The following ADCY6 variants were observed in gnomAD, a reference collection of about 807,000 sequenced individuals.
The protein encoded by ADCY6 is adenylate cyclase 6.
A neutral mutation model predicts 111.6 loss-of-function variants in ADCY6; 59 were observed. The observed-to-expected ratio is 0.53, with a 90% CI of 0.43 to 0.66. The LOEUF is 0.66. Among genes scored for constraint, ADCY6 ranks in the 30% least tolerant of loss-of-function variants. The pLI is 0.00. For synonymous variants in ADCY6, 576 were observed against 642.9 expected, an observed-to-expected ratio of 0.90 and a Z score of 1.57; for missense variants, 1,242 against 1,595.6, an observed-to-expected ratio of 0.78 and a Z score of 3.78.
chr12:48,773,445 T>G, intron 16 of ADCY6, 24 bp downstream of exon 16: 1 of 1,610,058 alleles, frequency 6.2e-7, no homozygotes, highest in East Asian at 2.2e-5. Context: ...CCTGGGGTAT[T>G]AAAGGACCTG....
At chr12:48,773,903 G>C in intron 15 of ADCY6, 37 bp downstream of exon 15, 1 of 1,607,280 alleles carries the variant, frequency 6.2e-7, no homozygotes, top group Non-Finnish European at 8.5e-7. Flanking sequence ...GTCTGTGCCA[G>C]GACAGCCCCC....
chr12:48,766,594 T>C lies in ADCY6; in HGVS notation c.*1997A>G, dbSNP rs982373169. 1 of 152,638 alleles carries C rather than the reference T, an allele frequency of 6.6e-6. No individual in the cohort carries two copies. The highest frequency in any genetic ancestry group is 2.4e-5 in the African/African-American group (1 of 41,434). 9.5% of individuals were successfully genotyped at this position (152,638 alleles called of 1,614,324 possible). A position where few individuals can be genotyped will look rare whatever the true frequency, so the allele number is the denominator to read the frequency against. Reference sequence around the variant, plus strand: ...AGATTTTCTGTCTGGAAAACAAGTCTTTTCCCCTCCTTCTGCCATGACTAA... The same window carrying C: ...AGATTTTCTGTCTGGAAAACAAGTCCTTTCCCCTCCTTCTGCCATGACTAA... On this transcript the variant is annotated 3_prime_UTR_variant, in exon 22 of 22. Transcript: ENST00000357869.
At chr12:48,772,732 C>G (rs1367904308) in intron 16 of ADCY6, among the ~76,000 whole-genome samples, 189 bp from the exon 17 acceptor site, 1 of 152,156 alleles carries the variant, frequency 6.6e-6, no homozygotes, top group Non-Finnish European at 1.5e-5. Context: ...CTTAGAGACT[C>G]CTCTACTTAC....
intron 14 of ADCY6, 103 bp from the exon 15 acceptor site, chr12:48,774,201 A>G: frequency 2.5e-6 from 3 of 1,205,448 alleles, no homozygotes; most frequent in Non-Finnish European, 3.5e-6. Context: ...CAGGTACCTT[A>G]TACCCCATGG....
Position 48,783,449 on chromosome 12 carries a change from A to C in ADCY6, c.-4-11T>G. 6 of 1,614,172 alleles carry C rather than the reference A, an allele frequency of 3.7e-6. No homozygotes were observed. Among genetic ancestry groups the C allele is most frequent in the Non-Finnish European group, 5.1e-6 (6 of 1,180,006 alleles). The stretch of plus-strand genomic sequence containing the variant: ...AACCATGACATGTTGCTGGTAGGGA[A>C]GGAAGGAGATAGTATTAGAGACCAT... On this transcript the variant is annotated splice_polypyrimidine_tract_variant and intron_variant, in intron 1 of 21. Transcript: ENST00000357869.
At chr12:48,786,440 C>T (rs1338491852) in intron 1 of ADCY6, among the ~76,000 whole-genome samples, 1 of 152,174 alleles carries the variant, frequency 6.6e-6, no homozygotes, top group Non-Finnish European at 1.5e-5. Flanking sequence ...AATCTCAGCT[C>T]ACTGCAACCT....
In ADCY6 at chr12:48,771,520, G is replaced by T. The variant is rs1459841352; in HGVS notation, c.3051+190C>A. The T allele has an allele frequency of 2.3e-6, 2 of 885,130 alleles. No individual in the cohort carries two copies. Among genetic ancestry groups the T allele is most frequent in the Non-Finnish European group, 3.6e-6 (2 of 554,194 alleles). 54.8% of individuals were successfully genotyped at this position (885,130 alleles called of 1,614,324 possible). ...ACAGTGATGACCCTGCCCCACTAGG[G>T]CTGACCCCCTTGCTGCCTCTGACAC... On this transcript the variant is annotated intron_variant, in intron 19 of 21. Transcript: ENST00000357869. The surrounding 1 kb of genome is among the most constrained non-coding windows in gnomAD (Gnocchi z 4.3).
Position 48,777,896 on chromosome 12 carries a change from A to G in ADCY6, c.1015-160T>C, listed in dbSNP as rs1289981950. The stretch of plus-strand genomic sequence containing the variant: ...CCTTCCCCCATCAGAGCCCCCTCTG[A>G]CCACCCTCCATTGAGCCCCCAGATG... On this transcript the variant is annotated intron_variant, in intron 3 of 21. Transcript: ENST00000357869. The surrounding 1 kb of genome is among the most constrained non-coding windows in gnomAD (Gnocchi z 4.9). Among the ~76,000 whole-genome samples, 2 of 151,482 alleles carry G rather than the reference A, an allele frequency of 1.3e-5. No individual in the cohort carries two copies. The highest frequency in any genetic ancestry group is 4.9e-5 in the African/African-American group (2 of 41,154).
In ADCY6 at chr12:48,782,775, C is replaced by T. The variant is rs1228329436; in HGVS notation, c.660G>A (p.Ala220=). 1.2e-6 allele frequency: 2 copies of T among 1,612,792 alleles called. No individual in the cohort carries two copies. The highest frequency in any genetic ancestry group is 2.2e-5 in the East Asian group (1 of 44,828). Residue 220 remains alanine (A), a synonymous_variant, in exon 2 of 22, where the codon GCG becomes GCA. Coordinates refer to ENST00000357869, the MANE Select transcript of ADCY6 (RefSeq NM_015270.5). The surrounding 1 kb of genome is among the most constrained non-coding windows in gnomAD (Gnocchi z 4.3). ...VVSYVVLGIL[A]AVQVGGALAA... ...CGAGAGCGCCCCCGACCTGCACTGC[C>T]GCCAGGATGCCCAGCACCACGTAGC...
Position 48,783,277 on chromosome 12 carries a change from G to C in ADCY6, c.158C>G (p.Pro53Arg), listed in dbSNP as rs1214088281. The C allele has an allele frequency of 2.3e-5, 37 of 1,612,006 alleles. No homozygotes were observed. Among genetic ancestry groups the C allele is most frequent in the Non-Finnish European group, 3.1e-5 (36 of 1,179,516 alleles). ...AGGGGGGCCCGCAGGGGTGGGGCTG[G>C]GTGGCTCTGCATCCCGGAGGCAGCT... is the stretch of plus-strand genomic sequence containing the variant. ...YMSCLRDAEP[P>R]SPTPAGPPRC... is the part of the protein sequence containing the mutation. The change falls in exon 2 of 22, where the codon CCC becomes CGC. Residue 53 changes from proline to arginine, a missense_variant. Pro to Arg is a moderately radical substitution (Grantham distance 103, BLOSUM62 -2). Around this residue, in one of 4 missense-constraint regions of ADCY6, gnomAD observed 362 missense variants for 377.2 expected, o/e 0.96. Coordinates refer to ENST00000357869, the MANE Select transcript of ADCY6 (RefSeq NM_015270.5).
chr12:48,772,660 G>C (rs1279680070), intron 16 of ADCY6, 117 bp from the exon 17 acceptor site: 3 of 1,216,936 alleles, frequency 2.5e-6, no homozygotes, highest in Non-Finnish European at 3.5e-6. Context: ...TCAGGCATTG[G>C]GCCAGGGCTT....
chr12:48,778,924 A>T (rs764114655), intron 2 of ADCY6, among the ~76,000 whole-genome samples: 140 of 120,728 alleles, frequency 1.2e-3, no homozygotes, highest in Non-Finnish European at 1.3e-3. Flanking sequence ...TGTCACCCAG[A>T]CTGGAGTGCA....
rs926263745 is a variant in ADCY6 at position 48,773,503 on chromosome 12, C to T, written c.2587G>A (p.Asp863Asn). 1 of 1,613,888 alleles carries T rather than the reference C, an allele frequency of 6.2e-7. No homozygotes were observed. Among genetic ancestry groups the T allele is most frequent in the African/African-American group, 1.3e-5 (1 of 74,870 alleles). Residue 863 changes from aspartate to asparagine, a missense_variant, in exon 16 of 22, where the codon GAC becomes AAC. By Grantham distance (23) the Asp-to-Asn change is conservative. This residue lies in a region of ADCY6 where 375 missense variants were observed against 432.5 expected (regional missense o/e 0.87). Transcript: ENST00000357869. ...ACGCCAAGCAGTAGGTCATAGTTGT[C>T]AAAGATGGTGGCTGGGGGACCCAGC... ...LLLGPPATIF[D>N]NYDLLLGVHG...
In ADCY6 at chr12:48,773,544, T is replaced by C. The variant is rs1196080965; in HGVS notation, c.2546A>G (p.Tyr849Cys). 2 of 1,614,060 alleles carry C rather than the reference T, an allele frequency of 1.2e-6. No individual in the cohort carries two copies. The highest frequency in any genetic ancestry group is 1.7e-5 in the Admixed American group (1 of 60,018). Residue 849 changes from tyrosine to cysteine, a missense_variant, in exon 16 of 22, where the codon TAT becomes TGT. Coordinates refer to ENST00000357869, the MANE Select transcript of ADCY6 (RefSeq NM_015270.5). ...LAMIFVLGLI[Y>C]LVLLLLGPPA... The stretch of plus-strand genomic sequence containing the variant: ...GGGACCCAGCAGAAGCAGCACCAAA[T>C]AGATGAGCCCCAAGACAAAGATCAT...
rs975312387 is a variant in ADCY6, at chr12:48,782,250, C to A, written c.864+321G>T. 1.3e-5 allele frequency among the ~76,000 whole-genome samples: 2 copies of A among 152,126 alleles called. No homozygotes were observed. Among genetic ancestry groups the A allele is most frequent in the African/African-American group, 4.8e-5 (2 of 41,398 alleles). ...CTATATACCACACCCCTGCCTCCAG[C>A]CCCACATTCTGTCTCTACAGACTGC... On this transcript the variant is annotated intron_variant, in intron 2 of 21. Coordinates refer to ENST00000357869, the MANE Select transcript of ADCY6 (RefSeq NM_015270.5). The surrounding 1 kb of genome is among the most constrained non-coding windows in gnomAD (Gnocchi z 4.3).
chr12:48,770,914 G>A lies in ADCY6; in HGVS notation c.3108C>T (p.Thr1036=). 6 of 1,614,230 alleles carry A rather than the reference G, an allele frequency of 3.7e-6. No individual in the cohort carries two copies. Among genetic ancestry groups the A allele is most frequent in the Non-Finnish European group, 4.2e-6 (5 of 1,180,034 alleles). ...QLEKIKTIGS[T]YMAASGLNAS... is the part of the protein sequence containing the mutation. The stretch of plus-strand genomic sequence containing the variant: ...CGTTCAGCCCTGAGGCAGCCATGTA[G>A]GTGCTACCAATCGTCTTGATCTTTT... Residue 1036 remains threonine (T), a synonymous_variant, in exon 20 of 22, where the codon ACC becomes ACT. Coordinates refer to ENST00000357869, the MANE Select transcript of ADCY6 (RefSeq NM_015270.5).
At position 48,767,635 on chromosome 12, in the gene ADCY6, C is replaced by T. The variant is rs1386461283; in HGVS notation, c.*956G>A. On this transcript the variant is annotated 3_prime_UTR_variant, in exon 22 of 22. Coordinates refer to ENST00000357869, the MANE Select transcript of ADCY6 (RefSeq NM_015270.5). ...AGGGTCACCTTTCTCCATGCCCTGACCCTTTTCTATTTGGCAACAGAAGAG... is the reference window on the plus strand; with the variant it reads ...AGGGTCACCTTTCTCCATGCCCTGATCCTTTTCTATTTGGCAACAGAAGAG... 1.3e-5 allele frequency: 2 copies of T among 152,696 alleles called. No individual in the cohort carries two copies. The highest frequency in any genetic ancestry group is 6.5e-5 in the Admixed American group (1 of 15,278). 9.5% of individuals were successfully genotyped at this position (152,696 alleles called of 1,614,324 possible). A position where few individuals can be genotyped will look rare whatever the true frequency, so the allele number is the denominator to read the frequency against.
chr12:48,768,632 C>T lies in ADCY6; in HGVS notation c.3466G>A (p.Glu1156Lys), dbSNP rs761864560. ...RGVVKVKGKGEMTTYFLNGGP... is the reference protein window; with the variant it reads ...RGVVKVKGKGKMTTYFLNGGP... The stretch of plus-strand genomic sequence containing the variant: ...CCATTGAGGAAGTAGGTGGTCATCT[C>T]CCCCTTGCCCTTCACCTTGACCACC... The change falls in exon 22 of 22, where the codon GAG becomes AAG. Residue 1156 changes from glutamate to lysine, a missense_variant. Glu to Lys is a moderately conservative substitution (Grantham distance 56). Around this residue, in one of 4 missense-constraint regions of ADCY6, gnomAD observed 245 missense variants for 371.3 expected, o/e 0.66. Transcript: ENST00000357869. 2 of 1,614,120 alleles carry T rather than the reference C, an allele frequency of 1.2e-6. No individual in the cohort carries two copies. Among genetic ancestry groups the T allele is most frequent in the Non-Finnish European group, 8.5e-7 (1 of 1,180,008 alleles).
intron 11 of ADCY6, 61 bp from the exon 12 acceptor site, chr12:48,775,115 G>T: frequency 6.7e-7 from 1 of 1,483,928 alleles, no homozygotes; most frequent in Non-Finnish European, 9.2e-7. Context: ...GGGACAGCAA[G>T]GACAGGGCAC....
Sources: allele counts gnomAD v4.1 joint callset (sites outside exome capture counted in the v4.1 genomes callset), GRCh38; gene constraint gnomAD v4.1.1; regional missense constraint gnomAD v4.1.1; non-coding constraint Gnocchi (gnomAD v3.1); transcripts MANE v1.5; gene names NCBI Gene and HGNC (gene_info 2026-07-23, HGNC 2026-07-21).